DCHS2: variants seen among roughly 807,000 people sequenced by gnomAD.
DCHS2 encodes dachsous cadherin-related 2.
A neutral mutation model predicts 182.4 loss-of-function variants in DCHS2; 142 were observed. That is an observed-to-expected ratio of 0.78 (90% CI 0.68 to 0.89). The LOEUF is 0.89. DCHS2 is among the 40% of genes least tolerant of loss of function. The pLI is 0.00. For missense variants in DCHS2, 4,319 were observed against 4,198.6 expected (o/e 1.03, Z -0.79); for synonymous variants, 1,740 against 1,663.3 (o/e 1.05, Z -1.12).
chr4:154,312,631 A>G (rs987882090), intron 10 of DCHS2, among the ~76,000 whole-genome samples: 1 of 152,214 alleles, frequency 6.6e-6, no homozygotes, highest in African/African-American at 2.4e-5. Context: ...AAGTTGATGG[A>G]TATTTTGCCT....
Position 154,298,183 on chromosome 4 carries a change from TC to T in DCHS2, c.6130del (p.Asp2044MetfsTer17), listed in dbSNP as rs1382816925. ...NDPVLEQNPF[D>X]VFLSPESPTN... is the part of the protein sequence containing the mutation. ...AGGCGACTCGGGGGAAAGAAACACA[TC>T]AAAAGGGTTCTGTTCCAAAACTGGA... On this transcript the variant is annotated frameshift_variant, in exon 13 of 20. Transcript: ENST00000357232. LOFTEE classifies it high-confidence loss of function. 3 of 1,614,078 alleles carry T rather than the reference TC, an allele frequency of 1.9e-6. No homozygotes were observed. Among genetic ancestry groups the T allele is most frequent in the Non-Finnish European group, 1.7e-6 (2 of 1,180,000 alleles).
chr4:154,478,644 TA>T (rs1392951209), intron 1 of DCHS2, among the ~76,000 whole-genome samples: 1 of 152,010 alleles, frequency 6.6e-6, no homozygotes, highest in Non-Finnish European at 1.5e-5. Flanking sequence ...AGGGAACTCT[TA>T]GAGAGGGGAA....
rs546431330 is a variant in DCHS2, at chr4:154,366,543, T to A, written c.2245-102A>T. ...ACAATAGTCTTGAAACAACAGAATT[T>A]GAATATGTGGGGGTTTGTATATGTA... On this transcript the variant is annotated intron_variant, in intron 2 of 19. Coordinates refer to ENST00000357232, the MANE Select transcript of DCHS2 (RefSeq NM_001358235.2). The A allele has an allele frequency of 2.3e-5, 18 of 781,512 alleles. No individual in the cohort carries two copies. The South Asian group carries it at 2.8e-4, about 12-fold the overall frequency. 48.4% of individuals were successfully genotyped at this position (781,512 alleles called of 1,614,324 possible). A position where few individuals can be genotyped will look rare whatever the true frequency, so the allele number is the denominator to read the frequency against.
At chr4:154,378,528 G>GGAAGGAAGGAAGGAAGGAAA (rs1561078122) in intron 1 of DCHS2, among the ~76,000 whole-genome samples, 7 of 145,128 alleles carry the variant, frequency 4.8e-5, no homozygotes, top group Admixed American at 6.9e-5. Context: ...AAAGAAGGAA[G>GGAAGGAAGGAAGGAAGGAAA]GAAGGAAGGA....
At chr4:154,350,006 T>C (rs1729533031) in intron 3 of DCHS2, among the ~76,000 whole-genome samples, 1 of 152,220 alleles carries the variant, frequency 6.6e-6, no homozygotes, top group South Asian at 2.1e-4. Context: ...TCCATTGTGA[T>C]AAGGTGAGCA....
At chr4:154,248,147 C>T (rs984429204) in intron 16 of DCHS2, among the ~76,000 whole-genome samples, 1 of 152,018 alleles carries the variant, frequency 6.6e-6, no homozygotes, top group Non-Finnish European at 1.5e-5. Context: ...GCCAATTGGG[C>T]ACTCAGGAAA....
At chr4:154,317,030 T>C (rs1735884496) in intron 9 of DCHS2, among the ~76,000 whole-genome samples, 1 of 152,206 alleles carries the variant, frequency 6.6e-6, no homozygotes, top group South Asian at 2.1e-4. Context: ...TTCTATTTTA[T>C]AAAATAATTT....
chr4:154,461,510 T>C (rs1735007906), intron 1 of DCHS2, among the ~76,000 whole-genome samples: 1 of 152,112 alleles, frequency 6.6e-6, no homozygotes, highest in African/African-American at 2.4e-5. Flanking sequence ...GCTAAGTCTA[T>C]TTTCTGAAAG....
intron 13 of DCHS2, among the ~76,000 whole-genome samples, chr4:154,292,876 C>T (rs1227944391): frequency 6.6e-6 from 1 of 152,162 alleles, no homozygotes; most frequent in African/African-American, 2.4e-5. Context: ...CCATCTCTAT[C>T]TTACCTAGCC....
intron 9 of DCHS2, among the ~76,000 whole-genome samples, chr4:154,319,972 G>A (rs1304232481): frequency 7.2e-6 from 1 of 139,240 alleles, no homozygotes; most frequent in East Asian, 2.2e-4. Flanking sequence ...TAAAGAAAAT[G>A]TGGTATGTGC....
At chr4:154,403,479 T>C (rs1194381615) in intron 1 of DCHS2, among the ~76,000 whole-genome samples, 1 of 152,226 alleles carries the variant, frequency 6.6e-6, no homozygotes, top group Non-Finnish European at 1.5e-5. Flanking sequence ...TTGAACCACT[T>C]ATATTCCTGG....
chr4:154,405,301 G>A (rs1377521011), intron 1 of DCHS2, among the ~76,000 whole-genome samples: 1 of 151,702 alleles, frequency 6.6e-6, no homozygotes, highest in African/African-American at 2.4e-5. Flanking sequence ...CTTTATCTTT[G>A]TTTGGTTTTT....
At chr4:154,277,047 GCAAGCAGT>G (rs1254777010) in intron 13 of DCHS2, among the ~76,000 whole-genome samples, 4 of 152,122 alleles carry the variant, frequency 2.6e-5, no homozygotes, top group Non-Finnish European at 5.9e-5. Flanking sequence ...TCTTTTCTAT[GCAAGCAGT>G]CACTGTGTTT....
In DCHS2 at chr4:154,277,985, G is replaced by A. The variant is rs368197571; in HGVS notation, c.6464-7972C>T. Among the ~76,000 whole-genome samples the A allele has an allele frequency of 1.3e-4, 20 of 150,564 alleles. No homozygotes were observed. The East Asian group carries it at 1.8e-3, about 13-fold the overall frequency. ...GAACGCAGGAGGCAGAGGCTACAGT[G>A]AGCCGAGATTATACCACTGCACTCC... On this transcript the variant is annotated intron_variant, in intron 13 of 19. Transcript: ENST00000357232.
chr4:154,304,124 T>C (rs1004071545), intron 12 of DCHS2, among the ~76,000 whole-genome samples: 1 of 151,420 alleles, frequency 6.6e-6, no homozygotes, highest in Non-Finnish European at 1.5e-5. Flanking sequence ...ATGGGAGCCA[T>C]TGGCATCCCA....
chr4:154,459,443 T>C (rs942952208), intron 1 of DCHS2, among the ~76,000 whole-genome samples: 1 of 152,098 alleles, frequency 6.6e-6, no homozygotes, highest in African/African-American at 2.4e-5. Context: ...ATCAAAGTTT[T>C]TGCTCTTCTC....
Position 154,490,377 on chromosome 4 carries a change from GC to G in DCHS2, c.978del (p.Asn328MetfsTer34). The G allele has an allele frequency of 1.3e-6, 2 of 1,535,178 alleles. No individual in the cohort carries two copies. Among genetic ancestry groups the G allele is most frequent in the Non-Finnish European group, 1.7e-6 (2 of 1,144,866 alleles). On this transcript the variant is annotated frameshift_variant, in exon 1 of 20. Coordinates refer to ENST00000357232, the MANE Select transcript of DCHS2 (RefSeq NM_001358235.2). LOFTEE classifies it high-confidence loss of function. The part of the protein sequence containing the change: ...CRVRATDRDL[G>X]PNGFVRYSVR... ...ACGCTGTAGCGCACGAAGCCATTGG[GC>G]CCCAGGTCGCGGTCGGTGGCGCGCA...
At chr4:154,402,895 G>T (rs573457777) in intron 1 of DCHS2, among the ~76,000 whole-genome samples, 1 of 151,964 alleles carries the variant, frequency 6.6e-6, no homozygotes, top group African/African-American at 2.4e-5. Context: ...ACAAGTCCTC[G>T]TGCATTTTAT....
At chr4:154,394,546 T>C (rs1331944255) in intron 1 of DCHS2, among the ~76,000 whole-genome samples, 2 of 152,198 alleles carry the variant, frequency 1.3e-5, no homozygotes, top group Non-Finnish European at 2.9e-5. Flanking sequence ...TCCCTCTTTG[T>C]CAAGATCTGG....
Sources: allele counts gnomAD v4.1 joint callset (sites outside exome capture counted in the v4.1 genomes callset), GRCh38; gene constraint gnomAD v4.1.1; transcripts MANE v1.5; gene names NCBI Gene and HGNC (gene_info 2026-07-23, HGNC 2026-07-21).